ARHGAP26: variants seen among roughly 807,000 people sequenced by gnomAD.
The protein encoded by ARHGAP26 is rho GTPase-activating protein 26.
A neutral mutation model predicts 104.8 loss-of-function variants in ARHGAP26; 38 were observed. That is an observed-to-expected ratio of 0.36 (90% CI 0.28 to 0.48). The LOEUF is 0.48. Among genes scored for constraint, ARHGAP26 ranks in the 20% least tolerant of loss-of-function variants. The pLI is 0.99. For synonymous variants in ARHGAP26, 341 were observed against 340.0 expected, an observed-to-expected ratio of 1.00 and a Z score of -0.03; for missense variants, 704 against 947.9, an observed-to-expected ratio of 0.74 and a Z score of 3.38.
chr5:143,221,642 TC>T (rs2151433715), intron 22 of ARHGAP26, among the ~76,000 whole-genome samples: 1 of 152,126 alleles, frequency 6.6e-6, no homozygotes, highest in South Asian at 2.1e-4. Context: ...GCACTCCCCC[TC>T]CTCCAAGTAG....
chr5:143,011,588 C>T (rs927759677), intron 11 of ARHGAP26, among the ~76,000 whole-genome samples: 3 of 152,006 alleles, frequency 2.0e-5, no homozygotes, highest in Non-Finnish European at 2.9e-5. Context: ...GCCGCTATGC[C>T]CTTCCTCAAT....
In ARHGAP26 at chr5:143,142,134, C is replaced by CTTTTTTTT. The variant is rs762332039; in HGVS notation, c.1838-5082_1838-5075dup. Among the ~76,000 whole-genome samples, 42 of 105,362 alleles carry CTTTTTTTT rather than the reference C, an allele frequency of 4.0e-4. 2 individuals are homozygous for CTTTTTTTT. The highest frequency in any genetic ancestry group is 6.9e-4 in the African/African-American group (17 of 24,650). 69.1% of individuals were successfully genotyped at this position (105,362 alleles called of 152,430 possible). A position where few individuals can be genotyped will look rare whatever the true frequency, so the allele number is the denominator to read the frequency against. On this transcript the variant is annotated intron_variant, in intron 19 of 22. Transcript: ENST00000645722. ...AACAACAGATTGACTCTACTTTTCA[C>CTTTTTTTT]TTTTTTTTTTTTTTTTTTTTTTGAG... is the stretch of plus-strand genomic sequence containing the variant.
At chr5:143,212,375 C>A (rs1809604954) in intron 21 of ARHGAP26, among the ~76,000 whole-genome samples, 1 of 150,216 alleles carries the variant, frequency 6.7e-6, no homozygotes, top group African/African-American at 2.5e-5. Flanking sequence ...AAAAAAAATG[C>A]CTCTTATATT....
intron 12 of ARHGAP26, among the ~76,000 whole-genome samples, chr5:143,032,006 A>G (rs1429723955): frequency 1.3e-5 from 2 of 152,112 alleles, no homozygotes; most frequent in Non-Finnish European, 1.5e-5. Context: ...TTTCCCTAAG[A>G]TTCTTCAAGG....
Position 143,224,125 on chromosome 5 carries a change from G to C in ARHGAP26, c.*1679G>C, listed in dbSNP as rs2151439285. On this transcript the variant is annotated 3_prime_UTR_variant, in exon 23 of 23. Transcript: ENST00000645722. ...TCTTTTACTTTTTTTTTTTTGAAAA[G>C]ATAAACTTGTAAATAGAGTGATTTG... is the stretch of plus-strand genomic sequence containing the variant. The C allele has an allele frequency of 4.4e-6, 1 of 225,902 alleles. No homozygotes were observed. The highest frequency in any genetic ancestry group is 1.3e-3 in the Middle Eastern group (1 of 758). The allele number at this position is 225,902 out of a possible 1,614,324, so 14.0% of individuals were successfully genotyped here.
At chr5:143,018,403 G>C (rs1475005111) in intron 12 of ARHGAP26, among the ~76,000 whole-genome samples, 1 of 152,120 alleles carries the variant, frequency 6.6e-6, no homozygotes, top group African/African-American at 2.4e-5. Context: ...TTGTGTTTTG[G>C]AGAAGGCCTT....
At chr5:143,207,366 G>A in intron 21 of ARHGAP26, 58 bp downstream of exon 21, 1 of 1,614,092 alleles carries the variant, frequency 6.2e-7, no homozygotes, top group Non-Finnish European at 8.5e-7. Context: ...CATTGGCTCG[G>A]TCCTCTCTTC....
chr5:142,845,106 C>A lies in ARHGAP26; in HGVS notation c.155-28294C>A, dbSNP rs145950460. On this transcript the variant is annotated intron_variant, in intron 1 of 22. Transcript: ENST00000645722. ...GCACCAGGAATATCCTGAGGAGCTG[C>A]AGCTCTTGAGGGAGGCTGCTACGAG... Among the ~76,000 whole-genome samples the A allele has an allele frequency of 1.5e-3, 234 of 152,282 alleles. 1 individual carries two copies. Among genetic ancestry groups the A allele is most frequent in the African/African-American group, 5.3e-3 (221 of 41,562 alleles).
chr5:143,150,668 A>C (rs953242908), intron 20 of ARHGAP26, among the ~76,000 whole-genome samples: 4 of 152,230 alleles, frequency 2.6e-5, no homozygotes, highest in African/African-American at 9.6e-5. Context: ...CTTTAAAATC[A>C]GGAGTCTTCA....
At chr5:143,171,798 C>T (rs2151132041) in intron 20 of ARHGAP26, among the ~76,000 whole-genome samples, 1 of 152,316 alleles carries the variant, frequency 6.6e-6, no homozygotes, top group Admixed American at 6.5e-5. Flanking sequence ...GAGGTGGTAG[C>T]AGGATGTTTG....
chr5:143,145,837 G>A (rs1799090625), intron 19 of ARHGAP26, among the ~76,000 whole-genome samples: 1 of 152,144 alleles, frequency 6.6e-6, no homozygotes, highest in African/African-American at 2.4e-5. Flanking sequence ...AAGATATCAG[G>A]GGTATTGGGG....
At chr5:143,036,310 G>C (rs938738076) in intron 12 of ARHGAP26, among the ~76,000 whole-genome samples, 4 of 152,168 alleles carry the variant, frequency 2.6e-5, no homozygotes, top group Admixed American at 1.3e-4. Flanking sequence ...AAACATGGGG[G>C]TGAATTTTAG....
intron 17 of ARHGAP26, among the ~76,000 whole-genome samples, chr5:143,109,518 G>A (rs542558063): frequency 6.6e-6 from 1 of 151,638 alleles, no homozygotes; most frequent in Non-Finnish European, 1.5e-5. Flanking sequence ...GCAGTGGTGC[G>A]ATCTCAGCTC....
intron 4 of ARHGAP26, 101 bp from the exon 5 acceptor site, chr5:142,885,197 C>T (rs754127961): frequency 3.2e-5 from 29 of 911,300 alleles, no homozygotes; most frequent in Non-Finnish European, 4.5e-5. Flanking sequence ...GGAGCTGAGT[C>T]GTCATCTGTG....
At chr5:143,030,374 A>T (rs1466287577) in intron 12 of ARHGAP26, among the ~76,000 whole-genome samples, 1 of 152,220 alleles carries the variant, frequency 6.6e-6, no homozygotes, top group Admixed American at 6.5e-5. Flanking sequence ...CTCAATGATG[A>T]TAATGCCTTG....
chr5:143,201,313 G>A (rs1427124561), intron 20 of ARHGAP26, among the ~76,000 whole-genome samples: 1 of 150,284 alleles, frequency 6.7e-6, no homozygotes, highest in Non-Finnish European at 1.5e-5. Context: ...GGACTCTGAG[G>A]GTTGTAGGAA....
chr5:143,198,104 A>T (rs2151297073), intron 20 of ARHGAP26, among the ~76,000 whole-genome samples: 1 of 152,330 alleles, frequency 6.6e-6, no homozygotes, highest in East Asian at 1.9e-4. Context: ...GAAAGATTGG[A>T]TGTAGTAGCA....
intron 1 of ARHGAP26, among the ~76,000 whole-genome samples, chr5:142,851,004 A>G (rs1384166598): frequency 6.6e-6 from 1 of 152,214 alleles, no homozygotes; most frequent in African/African-American, 2.4e-5. Flanking sequence ...AATAGTTTAC[A>G]CTACAGATTA....
In ARHGAP26 at chr5:142,938,680, G is replaced by C. The variant is rs149372057; in HGVS notation, c.1107+6555G>C. Among the ~76,000 whole-genome samples, 417 of 152,296 alleles carry C rather than the reference G, an allele frequency of 2.7e-3. 4 individuals are homozygous for C. The highest frequency in any genetic ancestry group is 5.4e-3 in the South Asian group (26 of 4,828). On this transcript the variant is annotated intron_variant, in intron 11 of 22. Coordinates refer to ENST00000645722, the MANE Select transcript of ARHGAP26 (RefSeq NM_001135608.3). Reference sequence around the variant, plus strand: ...ATATCCATCTGCTATGGAAAAGATGGCTCAGGAAGCCAGGGGGACTGAGTG... The same window carrying C: ...ATATCCATCTGCTATGGAAAAGATGCCTCAGGAAGCCAGGGGGACTGAGTG...
Sources: gnomAD v4.1 joint callset for allele counts (sites outside exome capture counted in the v4.1 genomes callset) on GRCh38, gnomAD v4.1.1 for gene constraint, MANE v1.5 for transcripts, NCBI Gene and HGNC (gene_info 2026-07-23, HGNC 2026-07-21) for gene names.